Variants in GRK7 observed in about 807,000 individuals in gnomAD.
GRK7 encodes rhodopsin kinase GRK7.
Under a neutral mutation model 34.1 loss-of-function variants are expected in GRK7, and 24 were observed. The ratio of observed to expected loss-of-function variants is 0.70; its 90% CI spans 0.51 to 0.99. The LOEUF (loss-of-function observed/expected upper bound fraction) is 0.99. Ranked by LOEUF, GRK7 falls within the 50% of genes least tolerant of loss-of-function variation. The pLI is 0.00. For synonymous variants in GRK7, 256 were observed against 279.4 expected (o/e 0.92, Z 0.84); for missense variants, 644 against 707.3 (o/e 0.91, Z 1.02).
chr3:141,780,607 C>T lies in GRK7; in HGVS notation c.846C>T (p.Asn282=), dbSNP rs373421589. 5.6e-4 allele frequency: 898 copies of T among 1,614,200 alleles called. 7 individuals are homozygous for T. In the South Asian group the frequency reaches 6.6e-3, roughly 12 times the overall value. Residue 282 remains asparagine, a synonymous_variant, in exon 4 of 6, where the codon AAC becomes AAT. Coordinates refer to ENST00000682958, the MANE Select transcript of GRK7 (RefSeq NM_139209.3). ...GAGACCTCAAGTTCCACATCTACAA[C>T]GTGGGCACGCGTGGCCTGGACATGA... ...NGGDLKFHIY[N]VGTRGLDMSR...
chr3:141,815,993 G>C lies in GRK7; in HGVS notation c.1326-721G>C, dbSNP rs77306767. Among the ~76,000 whole-genome samples, 550 of 152,248 alleles carry C rather than the reference G, an allele frequency of 3.6e-3. 4 individuals carry two copies. Among genetic ancestry groups the C allele is most frequent in the African/African-American group, 0.012 (496 of 41,548 alleles). On this transcript the variant is annotated intron_variant, in intron 5 of 5. Coordinates refer to ENST00000682958, the MANE Select transcript of GRK7 (RefSeq NM_139209.3). ...AGAAGCTGTGACATAATAAATGTTTGTTGTTTTAAGGCACTAAATTTTGGG... is the reference window on the plus strand; with the variant it reads ...AGAAGCTGTGACATAATAAATGTTTCTTGTTTTAAGGCACTAAATTTTGGG...
At position 141,780,505 on chromosome 3, in the gene GRK7, C is replaced by T. The variant is rs141790457; in HGVS notation, c.744C>T (p.Ser248=). 3 of 1,614,238 alleles carry T rather than the reference C, an allele frequency of 1.9e-6. No individual in the cohort carries two copies. Among genetic ancestry groups the T allele is most frequent in the Non-Finnish European group, 2.5e-6 (3 of 1,180,048 alleles). Residue 248 remains serine, a synonymous_variant, in exon 4 of 6, where the codon AGC becomes AGT. Coordinates refer to ENST00000682958, the MANE Select transcript of GRK7 (RefSeq NM_139209.3). ...AGGAAATCTTGGAGAAGGTCAGCAGCCCTTTCATTGTCTCTCTGGCCTATG... is the reference window on the plus strand; with the variant it reads ...AGGAAATCTTGGAGAAGGTCAGCAGTCCTTTCATTGTCTCTCTGGCCTATG... ...LEKEILEKVS[S]PFIVSLAYAF...
At chr3:141,782,978 T>G (rs2107879996) in intron 4 of GRK7, among the ~76,000 whole-genome samples, 1 of 152,346 alleles carries the variant, frequency 6.6e-6, no homozygotes. Context: ...AAATAAGCAC[T>G]TGCCAGCATT....
At chr3:141,766,720 GT>G (rs2084583329) in intron 1 of GRK7, among the ~76,000 whole-genome samples, 1 of 151,976 alleles carries the variant, frequency 6.6e-6, no homozygotes, top group Admixed American at 6.6e-5. Flanking sequence ...TCAAATCTAT[GT>G]TTTGTGGAAT....
Position 141,807,728 on chromosome 3 carries a change from A to G in GRK7, c.1134A>G (p.Gly378=). The G allele has an allele frequency of 6.2e-7, 1 of 1,614,110 alleles. No individual in the cohort carries two copies. The highest frequency in any genetic ancestry group is 8.5e-7 in the Non-Finnish European group (1 of 1,179,946). ...YSYPVDWFAM[G]CSIYEMVAGR... The stretch of plus-strand genomic sequence containing the variant: ...ATCCTGTGGACTGGTTTGCCATGGG[A>G]TGCAGCATTTATGAAATGGTTGCTG... The change falls in exon 5 of 6, where the codon GGA becomes GGG. Residue 378 remains glycine (G), a synonymous_variant. Transcript: ENST00000682958.
intron 1 of GRK7, among the ~76,000 whole-genome samples, chr3:141,772,253 C>T (rs902563508): frequency 6.6e-6 from 1 of 152,054 alleles, no homozygotes. Flanking sequence ...CGCCACCATG[C>T]GCGGCTAATT....
chr3:141,788,665 CA>C (rs1016834699), intron 4 of GRK7, among the ~76,000 whole-genome samples: 1 of 152,130 alleles, frequency 6.6e-6, no homozygotes, highest in African/African-American at 2.4e-5. Flanking sequence ...GGCAGACACG[CA>C]AGGAGATGCC....
intron 1 of GRK7, among the ~76,000 whole-genome samples, chr3:141,772,722 T>G (rs1301499377): frequency 6.6e-6 from 1 of 152,196 alleles, no homozygotes. Flanking sequence ...GCAAGAGCAT[T>G]TTTTTCTTTT....
At chr3:141,811,712 T>C (rs952014635) in intron 5 of GRK7, among the ~76,000 whole-genome samples, 1 of 152,208 alleles carries the variant, frequency 6.6e-6, no homozygotes, top group Non-Finnish European at 1.5e-5. Context: ...GTTGGATTAA[T>C]GTAGTGGGCA....
At chr3:141,779,009 T>C in intron 3 of GRK7, 113 bp downstream of exon 3, 3 of 1,037,018 alleles carry the variant, frequency 2.9e-6, no homozygotes, top group South Asian at 1.6e-5. Flanking sequence ...CAGCACCATA[T>C]GTGGAGGATT....
At chr3:141,768,264 T>G in intron 1 of GRK7, among the ~76,000 whole-genome samples, 1 of 148,488 alleles carries the variant, frequency 6.7e-6, no homozygotes, top group East Asian at 2.0e-4. Flanking sequence ...GGATCCTTCC[T>G]GTCAGCCTTT....
chr3:141,774,809 TATTATTA>T (rs759989688), intron 2 of GRK7, among the ~76,000 whole-genome samples, 129 bp downstream of exon 2: 7 of 141,210 alleles, frequency 5.0e-5, no homozygotes, highest in Non-Finnish European at 1.1e-4. Flanking sequence ...TTATTATTAT[TATTATTA>T]ATTATTATTA....
intron 4 of GRK7, among the ~76,000 whole-genome samples, chr3:141,788,560 C>T (rs2084707689): frequency 6.6e-6 from 1 of 152,144 alleles, no homozygotes; most frequent in Admixed American, 6.5e-5. Flanking sequence ...GACTTCTGCC[C>T]CGTGGGGTCT....
chr3:141,766,385 G>C (rs535528989), intron 1 of GRK7, among the ~76,000 whole-genome samples: 5 of 152,036 alleles, frequency 3.3e-5, no homozygotes, highest in African/African-American at 1.2e-4. Flanking sequence ...GGATGGTCTC[G>C]ATCTCCTGAC....
chr3:141,769,982 T>G (rs2084609700), intron 1 of GRK7, among the ~76,000 whole-genome samples: 1 of 152,310 alleles, frequency 6.6e-6, no homozygotes, highest in East Asian at 1.9e-4. Context: ...TGGCGCAATC[T>G]CGGCCCACTG....
At chr3:141,805,725 A>G (rs1456362916) in intron 4 of GRK7, among the ~76,000 whole-genome samples, 3 of 152,258 alleles carry the variant, frequency 2.0e-5, no homozygotes, top group Non-Finnish European at 2.9e-5. Context: ...ATGAAATTTC[A>G]TATTTCTAAA....
At position 141,778,156 on chromosome 3, in the gene GRK7, C is replaced by A; in HGVS notation, c.-113-16C>A. The A allele has an allele frequency of 2.5e-6, 3 of 1,182,242 alleles. No individual in the cohort carries two copies. Among genetic ancestry groups the A allele is most frequent in the Non-Finnish European group, 2.4e-6 (2 of 840,392 alleles). The allele number at this position is 1,182,242 out of a possible 1,614,324, so 73.2% of individuals were successfully genotyped here. On this transcript the variant is annotated splice_polypyrimidine_tract_variant and intron_variant, in intron 2 of 5. Transcript: ENST00000682958. This position sits in a 1 kb window ranked among gnomAD's most constrained non-coding sequence, Gnocchi z 4.1. Reference sequence around the variant, plus strand: ...AGAGAAACCTCTTTCACACCCTCCACGGGTCCCACCCACAGGCCACAGGAC... The same window carrying A: ...AGAGAAACCTCTTTCACACCCTCCAAGGGTCCCACCCACAGGCCACAGGAC...
chr3:141,756,266 C>T, the GRK7 span, among the ~76,000 whole-genome samples: 2 of 146,004 alleles, frequency 1.4e-5, no homozygotes, highest in African/African-American at 2.6e-5. Flanking sequence ...GAGCTGAGAT[C>T]GTGCTACTGC....
chr3:141,793,382 C>A (rs2084734697), intron 4 of GRK7, among the ~76,000 whole-genome samples: 1 of 152,176 alleles, frequency 6.6e-6, no homozygotes, highest in African/African-American at 2.4e-5. Flanking sequence ...ATCCAGCTCG[C>A]ATCTGCTGCA....
Sources: gnomAD v4.1 joint callset for allele counts (sites outside exome capture counted in the v4.1 genomes callset) on GRCh38, gnomAD v4.1.1 for gene constraint, Gnocchi (gnomAD v3.1) non-coding constraint, MANE v1.5 for transcripts, NCBI Gene and HGNC (gene_info 2026-07-23, HGNC 2026-07-21) for gene names.